The following NUP210 variants were observed in gnomAD, a reference collection of about 807,000 sequenced individuals.
NUP210 encodes the protein nuclear pore membrane glycoprotein 210.
A neutral mutation model predicts 196.0 loss-of-function variants in NUP210; 151 were observed. The ratio of observed to expected loss-of-function variants is 0.77; its 90% confidence interval spans 0.67 to 0.88. NUP210 has a LOEUF of 0.88. Ranked by LOEUF, NUP210 falls within the 40% of genes least tolerant of loss-of-function variation. The probability of loss-of-function intolerance (pLI) is 0.00; values close to 1 mark genes in which losing one functional copy is unlikely to be tolerated. For synonymous variants in NUP210, 1,070 were observed against 1,052.7 expected, an observed-to-expected ratio of 1.02 and a Z score of -0.32; for missense variants, 2,314 against 2,493.7, an observed-to-expected ratio of 0.93 and a Z score of 1.53.
chr3:13,340,893 G>C lies in NUP210; in HGVS notation c.3229-595C>G, dbSNP rs1697455949. On this transcript the variant is annotated intron_variant, in intron 23 of 39. Coordinates refer to ENST00000254508, the MANE Select transcript of NUP210 (RefSeq NM_024923.4). This position sits in a 1 kb window ranked among gnomAD's most constrained non-coding sequence, Gnocchi z 4.0. ...CCCTACAAGAGCCTGCCTGGCAAGA[G>C]TAGGTGAGTGGACGCAGGAGGTGGC... Among the ~76,000 whole-genome samples the C allele has an allele frequency of 6.6e-6, 1 of 152,194 alleles. No individual in the cohort carries two copies. The highest frequency in any genetic ancestry group is 6.5e-5 in the Admixed American group (1 of 15,294).
rs1446418593 is a variant in NUP210 at position 13,343,288 on chromosome 3, G to A, written c.2851C>T (p.Pro951Ser). The change falls in exon 21 of 40, where the codon CCG becomes TCG. Residue 951 changes from proline (P) to serine (S), a missense_variant. By Grantham distance (74) the Pro-to-Ser change is moderately conservative. Transcript: ENST00000254508. ...TGGATCATGATGGTGGATGAGCCCG[G>A]GAGCAAAGGGTGCACCTGCAAGGTT... is the stretch of plus-strand genomic sequence containing the variant. The part of the protein sequence containing the change: ...RGVAMVHPLL[P>S]GSSTIMIHDL... 6.2e-7 allele frequency: 1 copy of A among 1,609,882 alleles called. No individual in the cohort carries two copies. Among genetic ancestry groups the A allele is most frequent in the East Asian group, 2.2e-5 (1 of 44,612 alleles).
At chr3:13,382,447 A>C (rs1001348090) in intron 6 of NUP210, among the ~76,000 whole-genome samples, 1 of 152,226 alleles carries the variant, frequency 6.6e-6, no homozygotes, top group Non-Finnish European at 1.5e-5. Context: ...GGAGGGCAGG[A>C]ACCGGGCAGT....
At chr3:13,322,099 CGGCCATG>C in intron 35 of NUP210, 87 bp downstream of exon 35, 1 of 1,446,584 alleles carries the variant, frequency 6.9e-7, no homozygotes, top group African/African-American at 1.4e-5. Context: ...TCTGGACAGA[CGGCCATG>C]GTGAGCTGGG....
In NUP210 at chr3:13,317,387, C is replaced by T. The variant is rs1214815163; in HGVS notation, c.*294G>A. 2.4e-6 allele frequency: 1 copy of T among 422,954 alleles called. No homozygotes were observed. The highest frequency in any genetic ancestry group is 5.1e-5 in the East Asian group (1 of 19,540). 26.2% of individuals were successfully genotyped at this position (422,954 alleles called of 1,614,324 possible). A position where few individuals can be genotyped will look rare whatever the true frequency, so the allele number is the denominator to read the frequency against. The stretch of plus-strand genomic sequence containing the variant: ...TAGCAAGGCTAGGAAAATAAAAATG[C>T]AACAGCACATTGTCCAGAAACCCTA... On this transcript the variant is annotated 3_prime_UTR_variant, in exon 40 of 40. Coordinates refer to ENST00000254508, the MANE Select transcript of NUP210 (RefSeq NM_024923.4).
chr3:13,377,894 C>T (rs1229321286), intron 8 of NUP210, among the ~76,000 whole-genome samples: 3 of 149,950 alleles, frequency 2.0e-5, no homozygotes, highest in Admixed American at 1.3e-4. Context: ...CTGGAGGCCC[C>T]ACACCACCCA....
At chr3:13,392,836 G>C (rs1699534740) in intron 3 of NUP210, among the ~76,000 whole-genome samples, 1 of 151,630 alleles carries the variant, frequency 6.6e-6, no homozygotes, top group Non-Finnish European at 1.5e-5. Context: ...GGGAGCCTGG[G>C]CTCCAATTCC....
chr3:13,330,736 T>C, intron 29 of NUP210, 102 bp from the exon 30 acceptor site: 1 of 1,205,578 alleles, frequency 8.3e-7, no homozygotes, highest in Non-Finnish European at 1.2e-6. Context: ...CTCATGCTCC[T>C]GGGAGGAAAA....
At position 13,379,154 on chromosome 3, in the gene NUP210, G is replaced by A. The variant is rs1352218950; in HGVS notation, c.977-174C>T. On this transcript the variant is annotated intron_variant, in intron 7 of 39. Coordinates refer to ENST00000254508, the MANE Select transcript of NUP210 (RefSeq NM_024923.4). This position sits in a 1 kb window ranked among gnomAD's most constrained non-coding sequence, Gnocchi z 4.2. ...GCAAAGGCACTTTTCAGAATCAAAGGCCACACTGCGCTTGCCACACTAGCA... is the reference window on the plus strand; with the variant it reads ...GCAAAGGCACTTTTCAGAATCAAAGACCACACTGCGCTTGCCACACTAGCA... Among the ~76,000 whole-genome samples, 2 of 152,182 alleles carry A rather than the reference G, an allele frequency of 1.3e-5. No homozygotes were observed. The highest frequency in any genetic ancestry group is 3.8e-4 in the East Asian group (2 of 5,196).
intron 25 of NUP210, among the ~76,000 whole-genome samples, 179 bp from the exon 26 acceptor site, chr3:13,338,096 C>A (rs570821744): frequency 6.6e-6 from 1 of 152,212 alleles, no homozygotes; most frequent in Non-Finnish European, 1.5e-5. Context: ...TGGCTCTCCC[C>A]TCATGGGCCA....
Position 13,322,105 on chromosome 3 carries a change from T to C in NUP210, c.4915+88A>G, listed in dbSNP as rs1159476781. ...TCTCTGCCCTCTGGACAGACGGCCA[T>C]GGTGAGCTGGGCACGTGGAAGCCGC... is the stretch of plus-strand genomic sequence containing the variant. On this transcript the variant is annotated intron_variant, in intron 35 of 39. Transcript: ENST00000254508. The C allele has an allele frequency of 1.8e-5, 27 of 1,486,062 alleles. No homozygotes were observed. The Admixed American group carries it at 4.1e-4, about 23-fold the overall frequency. The allele number at this position is 1,486,062 out of a possible 1,614,324, so 92.1% of individuals were successfully genotyped here.
intron 2 of NUP210, among the ~76,000 whole-genome samples, chr3:13,398,271 C>T (rs1318553310): frequency 6.6e-6 from 1 of 152,062 alleles, no homozygotes; most frequent in East Asian, 1.9e-4. Context: ...GAAACCCCAT[C>T]TTTATTAAAA....
chr3:13,334,213 G>C (rs2124848600), intron 28 of NUP210, among the ~76,000 whole-genome samples: 1 of 152,288 alleles, frequency 6.6e-6, no homozygotes, highest in South Asian at 2.1e-4. Context: ...TGTCAGATAG[G>C]GAAACAGAGG....
rs978871004 is a variant in NUP210 at position 13,347,046 on chromosome 3, C to A, written c.2836-3743G>T. 3.1e-5 allele frequency: 31 copies of A among 985,294 alleles called. No individual in the cohort carries two copies. Among genetic ancestry groups the A allele is most frequent in the Admixed American group, 1.2e-4 (2 of 16,266 alleles). The allele number at this position is 985,294 out of a possible 1,614,324, so 61.0% of individuals were successfully genotyped here. ...TGGATGCACCTGACTTCAGGCCCTG[C>A]AATTGCCACCCACTCCCCACTCATC... On this transcript the variant is annotated intron_variant, in intron 20 of 39. Coordinates refer to ENST00000254508, the MANE Select transcript of NUP210 (RefSeq NM_024923.4). The surrounding 1 kb of genome is among the most constrained non-coding windows in gnomAD (Gnocchi z 4.7).
At chr3:13,399,419 A>T (rs1699765777) in intron 2 of NUP210, among the ~76,000 whole-genome samples, 1 of 152,216 alleles carries the variant, frequency 6.6e-6, no homozygotes, top group African/African-American at 2.4e-5. Context: ...AAAAGGAGTG[A>T]TCTCACAGAT....
Position 13,375,505 on chromosome 3 carries a change from C to A in NUP210, c.1430G>T (p.Arg477Met), listed in dbSNP as rs560008334. Reference sequence around the variant, plus strand: ...GCAGAGGTGAGGGGTCTCACGTACCCTTATTGTGTACTGATAGGCGCCCGT... The same window carrying A: ...GCAGAGGTGAGGGGTCTCACGTACCATTATTGTGTACTGATAGGCGCCCGT... ...PKTGAYQYTI[R>M]AHGGSGNFSW... The change falls in exon 11 of 40, where the codon AGG (arginine) becomes ATG (methionine). Residue 477 changes from arginine to methionine, a missense_variant and splice_region_variant. By Grantham distance (91) the Arg-to-Met change is moderately conservative (BLOSUM62 -1). Transcript: ENST00000254508. 12 of 1,614,002 alleles carry A rather than the reference C, an allele frequency of 7.4e-6. No individual in the cohort carries two copies. In the South Asian group the frequency reaches 1.2e-4, roughly 16 times the overall value.
rs1265862048 is a variant in NUP210, at chr3:13,375,738, C to T, written c.1294-97G>A. Reference sequence around the variant, plus strand: ...CCCCACCCCTCCCTGGGGATCGGGTCACAAAGGTGGATTTGGGGGAAGAGT... The same window carrying T: ...CCCCACCCCTCCCTGGGGATCGGGTTACAAAGGTGGATTTGGGGGAAGAGT... On this transcript the variant is annotated intron_variant, in intron 10 of 39. Transcript: ENST00000254508. 3 of 1,342,900 alleles carry T rather than the reference C, an allele frequency of 2.2e-6. No individual in the cohort carries two copies. In the East Asian group the frequency reaches 7.0e-5, roughly 31 times the overall value. 83.2% of individuals were successfully genotyped at this position (1,342,900 alleles called of 1,614,324 possible). A position where few individuals can be genotyped will look rare whatever the true frequency, so the allele number is the denominator to read the frequency against.
intron 1 of NUP210, among the ~76,000 whole-genome samples, chr3:13,405,962 TTAAG>T (rs1194778244): frequency 6.6e-6 from 1 of 152,194 alleles, no homozygotes; most frequent in Non-Finnish European, 1.5e-5. Context: ...ACATATTCAT[TTAAG>T]TGTTTTAGGA....
At chr3:13,338,626 T>C (rs548261834) in intron 25 of NUP210, among the ~76,000 whole-genome samples, 1 of 152,336 alleles carries the variant, frequency 6.6e-6, no homozygotes, top group East Asian at 1.9e-4. Context: ...CCCACGGCCT[T>C]GGGGTGCTGG....
chr3:13,404,060 T>TG (rs1167342863), intron 1 of NUP210, among the ~76,000 whole-genome samples: 1 of 152,250 alleles, frequency 6.6e-6, no homozygotes, highest in Non-Finnish European at 1.5e-5. Context: ...CAGCTCACGC[T>TG]GGTTTTCCTG....
Sources: allele counts gnomAD v4.1 joint callset (sites outside exome capture counted in the v4.1 genomes callset), GRCh38; gene constraint gnomAD v4.1.1; non-coding constraint Gnocchi (gnomAD v3.1); transcripts MANE v1.5; gene names NCBI Gene and HGNC (gene_info 2026-07-23, HGNC 2026-07-21).